The following MAD1L1 variants were observed in gnomAD, a reference collection of about 807,000 sequenced individuals.
The protein encoded by MAD1L1 is mitotic spindle assembly checkpoint protein MAD1.
In MAD1L1, 95 loss-of-function variants were observed where a neutral mutation model predicts 96.9. The observed-to-expected ratio is 0.98, with a 90% CI of 0.83 to 1.16. The LOEUF (loss-of-function observed/expected upper bound fraction) is 1.16. Among genes scored for constraint, MAD1L1 ranks in the 50% most tolerant of loss-of-function variants. MAD1L1 has a pLI of 0.00. For synonymous variants in MAD1L1, 473 were observed against 396.6 expected, an observed-to-expected ratio of 1.19 and a Z score of -2.29; for missense variants, 1,007 against 954.4, an observed-to-expected ratio of 1.06 and a Z score of -0.73.
At chr7:1,857,083 C>G (rs964940141) in intron 18 of MAD1L1, among the ~76,000 whole-genome samples, 4 of 152,188 alleles carry the variant, frequency 2.6e-5, no homozygotes, top group African/African-American at 9.6e-5. Flanking sequence ...GCAGGCAGGA[C>G]AGTGTCAGGG....
At chr7:2,078,724 G>A (rs533704272) in intron 11 of MAD1L1, among the ~76,000 whole-genome samples, 13 of 152,304 alleles carry the variant, frequency 8.5e-5, no homozygotes, top group African/African-American at 2.4e-4. Flanking sequence ...AAGCAGCAGC[G>A]CCACCCCCAC....
chr7:1,934,377 G>A (rs368139428), intron 17 of MAD1L1, among the ~76,000 whole-genome samples: 44 of 152,336 alleles, frequency 2.9e-4, no homozygotes, highest in African/African-American at 4.8e-4. Context: ...ACGAACAGAC[G>A]GGCGAACCCG....
intron 18 of MAD1L1, among the ~76,000 whole-genome samples, chr7:1,826,028 A>G (rs1374462794): frequency 1.3e-5 from 2 of 152,088 alleles, no homozygotes; most frequent in South Asian, 2.1e-4. Context: ...TCTGTATCCC[A>G]AAGTTCAGGC....
At chr7:1,926,470 G>A (rs910199815) in intron 17 of MAD1L1, among the ~76,000 whole-genome samples, 11 of 152,206 alleles carry the variant, frequency 7.2e-5, no homozygotes, top group African/African-American at 2.7e-4. Context: ...GAAGATTACT[G>A]ACGATGTCAG....
chr7:1,908,690 G>A (rs949494286), intron 17 of MAD1L1, among the ~76,000 whole-genome samples: 2 of 152,182 alleles, frequency 1.3e-5, no homozygotes, highest in African/African-American at 4.8e-5. Context: ...ATCGCCCTCA[G>A]GTCTCAAGTG....
At chr7:2,089,609 C>G (rs1330256806) in intron 11 of MAD1L1, among the ~76,000 whole-genome samples, 1 of 150,158 alleles carries the variant, frequency 6.7e-6, no homozygotes, top group East Asian at 2.0e-4. Flanking sequence ...ACCGCACACG[C>G]CCACCCATCA....
chr7:2,087,680 G>A (rs1015082393), intron 11 of MAD1L1, among the ~76,000 whole-genome samples: 1 of 152,220 alleles, frequency 6.6e-6, no homozygotes, highest in Non-Finnish European at 1.5e-5. Flanking sequence ...TCCTGCCTGT[G>A]CCGATCGCAA....
At chr7:2,094,251 C>CA (rs1455110361) in intron 11 of MAD1L1, among the ~76,000 whole-genome samples, 3 of 152,192 alleles carry the variant, frequency 2.0e-5, no homozygotes, top group African/African-American at 7.2e-5. Flanking sequence ...AAAGGGCTCC[C>CA]AGTGGCCAGC....
chr7:2,211,294 C>T (rs960328892), intron 10 of MAD1L1, among the ~76,000 whole-genome samples: 5 of 152,116 alleles, frequency 3.3e-5, no homozygotes, highest in Non-Finnish European at 7.4e-5. Flanking sequence ...ATGCTGGCCA[C>T]GCCCAGGCAG....
At chr7:2,004,050 G>C (rs1434116454) in intron 13 of MAD1L1, among the ~76,000 whole-genome samples, 4 of 152,182 alleles carry the variant, frequency 2.6e-5, no homozygotes, top group Non-Finnish European at 5.9e-5. Flanking sequence ...GGGGCATCCA[G>C]GGCACCCCAT....
intron 17 of MAD1L1, among the ~76,000 whole-genome samples, chr7:1,919,369 T>G (rs1788630889): frequency 6.6e-6 from 1 of 152,160 alleles, no homozygotes; most frequent in Non-Finnish European, 1.5e-5. Context: ...GCCTGCAAGG[T>G]CTCCTCTGCC....
At chr7:2,065,499 G>A (rs989556606) in intron 12 of MAD1L1, among the ~76,000 whole-genome samples, 4 of 152,220 alleles carry the variant, frequency 2.6e-5, no homozygotes, top group African/African-American at 4.8e-5. Context: ...CCCAGGCAGC[G>A]AGGACGTGGG....
In MAD1L1 at chr7:2,162,602, A is replaced by C. The variant is rs1378350675; in HGVS notation, c.987-13364T>G. Among the ~76,000 whole-genome samples, 4 of 150,460 alleles carry C rather than the reference A, an allele frequency of 2.7e-5. 1 individual carries two copies. In the South Asian group the frequency reaches 6.2e-4, roughly 23 times the overall value. ...TGATCAATAAATACTAAAAAAAAAA[A>C]CAAACAAAAAACCAACTTAAAGGGG... On this transcript the variant is annotated intron_variant, in intron 10 of 18. Coordinates refer to ENST00000265854, the MANE Select transcript of MAD1L1 (RefSeq NM_001013836.2).
chr7:1,963,378 G>T (rs1000060715), intron 15 of MAD1L1, among the ~76,000 whole-genome samples: 2 of 152,154 alleles, frequency 1.3e-5, no homozygotes, highest in Non-Finnish European at 2.9e-5. Flanking sequence ...ACAGCCGCCC[G>T]CCAATCTACA....
At chr7:2,096,234 C>G (rs1786482593) in intron 11 of MAD1L1, among the ~76,000 whole-genome samples, 1 of 152,228 alleles carries the variant, frequency 6.6e-6, no homozygotes, top group Non-Finnish European at 1.5e-5. Flanking sequence ...CAAGGTCGTC[C>G]TCGTCGGACA....
chr7:2,135,551 CTT>C (rs1030943169), intron 11 of MAD1L1, among the ~76,000 whole-genome samples: 5 of 152,120 alleles, frequency 3.3e-5, no homozygotes, highest in East Asian at 1.9e-4. Flanking sequence ...AATAAAAACT[CTT>C]TGTTTTCGGT....
Position 1,816,233 on chromosome 7 carries a change from G to A in MAD1L1, c.1999-5C>T, listed in dbSNP as rs376898341. On this transcript the variant is annotated splice_region_variant and splice_polypyrimidine_tract_variant and intron_variant, in intron 18 of 18. Transcript: ENST00000265854. ...GGAACCCGAGGGGCTGGTGGCCTGC[G>A]GGGCAGTCAAGAAAGAGACAAGACA... is the stretch of plus-strand genomic sequence containing the variant. 1.4e-4 allele frequency: 231 copies of A among 1,611,220 alleles called. No homozygotes were observed. The highest frequency in any genetic ancestry group is 3.5e-4 in the Middle Eastern group (2 of 5,652).
chr7:2,093,357 T>C (rs73671837), intron 11 of MAD1L1, among the ~76,000 whole-genome samples: 8,095 of 151,960 alleles, frequency 0.053, 381 homozygotes, highest in African/African-American at 0.12. Flanking sequence ...CAAAACAAGA[T>C]GACTCAGTAA....
chr7:1,894,230 C>G (rs906652540), intron 18 of MAD1L1, among the ~76,000 whole-genome samples: 1 of 152,170 alleles, frequency 6.6e-6, no homozygotes, highest in East Asian at 1.9e-4. Context: ...TTCTTGGAAC[C>G]CAAGGGGGAG....
Sources: gnomAD v4.1 joint callset for allele counts (sites outside exome capture counted in the v4.1 genomes callset) on GRCh38, gnomAD v4.1.1 for gene constraint, MANE v1.5 for transcripts, NCBI Gene and HGNC (gene_info 2026-07-23, HGNC 2026-07-21) for gene names.